Variants in FAM110B observed in about 807,000 individuals in gnomAD.
FAM110B encodes protein FAM110B.
A neutral mutation model predicts 20.4 loss-of-function variants in FAM110B; 6 were observed. That is an observed-to-expected ratio of 0.29 (90% CI 0.16 to 0.58). The LOEUF (loss-of-function observed/expected upper bound fraction) is 0.58. Among genes scored for constraint, FAM110B ranks in the 20% least tolerant of loss-of-function variants. The pLI is 0.90. For synonymous variants in FAM110B, 226 were observed against 214.1 expected (o/e 1.06, Z -0.49); for missense variants, 434 against 498.2 (o/e 0.87, Z 1.23).
At chr8:58,052,987 G>A (rs1026550864) in intron 2 of FAM110B, among the ~76,000 whole-genome samples, 8 of 150,506 alleles carry the variant, frequency 5.3e-5, no homozygotes, top group East Asian at 3.9e-4. Context: ...GGGTTTCACC[G>A]TGTTAGCCAG....
At chr8:58,105,534 A>AAATG (rs936852218) in intron 3 of FAM110B, among the ~76,000 whole-genome samples, 4 of 150,824 alleles carry the variant, frequency 2.7e-5, no homozygotes, top group Admixed American at 1.3e-4. Context: ...CCTTGTCTGA[A>AAATG]AATGAATGAA....
chr8:58,037,568 G>A (rs951813337), intron 2 of FAM110B, among the ~76,000 whole-genome samples: 6 of 151,956 alleles, frequency 3.9e-5, no homozygotes, highest in Admixed American at 3.3e-4. Context: ...GAGCCCAGGA[G>A]TTGGAGGCTG....
chr8:58,100,223 G>GA (rs1806743459), intron 3 of FAM110B, among the ~76,000 whole-genome samples: 5 of 151,038 alleles, frequency 3.3e-5, no homozygotes, highest in African/African-American at 1.2e-4. Context: ...CACTTCCCTG[G>GA]AGTTAATCTG....
At chr8:58,094,541 T>C (rs922501908) in intron 3 of FAM110B, among the ~76,000 whole-genome samples, 1 of 152,204 alleles carries the variant, frequency 6.6e-6, no homozygotes, top group Non-Finnish European at 1.5e-5. Context: ...ATTTAGGTGA[T>C]GGATTATGTT....
intron 3 of FAM110B, among the ~76,000 whole-genome samples, chr8:58,082,837 G>GTTTTTTGTT (rs1563363336): frequency 2.4e-5 from 3 of 123,096 alleles, no homozygotes; most frequent in African/African-American, 1.5e-4. Context: ...CTCCATTTTT[G>GTTTTTTGTT]TTTTTTTTTG....
intron 2 of FAM110B, among the ~76,000 whole-genome samples, chr8:58,057,568 C>G (rs558207233): frequency 6.6e-6 from 1 of 152,188 alleles, no homozygotes; most frequent in Non-Finnish European, 1.5e-5. Flanking sequence ...CCCCTTTTCT[C>G]AGCCTCCACC....
chr8:58,123,060 G>A (rs921117798), intron 3 of FAM110B, among the ~76,000 whole-genome samples: 1 of 152,130 alleles, frequency 6.6e-6, no homozygotes, highest in Non-Finnish European at 1.5e-5. Context: ...CCTTATGAGA[G>A]CTCAGCAGAG....
At chr8:58,098,391 T>C (rs956859323) in intron 3 of FAM110B, among the ~76,000 whole-genome samples, 1 of 152,192 alleles carries the variant, frequency 6.6e-6, no homozygotes, top group Non-Finnish European at 1.5e-5. Context: ...GATGCCCCTC[T>C]CCCAACCAAG....
chr8:58,067,889 G>A (rs1201811601), intron 2 of FAM110B, among the ~76,000 whole-genome samples: 1 of 152,204 alleles, frequency 6.6e-6, no homozygotes, highest in African/African-American at 2.4e-5. Flanking sequence ...AAGTGGCAAT[G>A]AGAAAGATTC....
rs150740446 is a variant in FAM110B, at chr8:58,146,870, G to C, written c.640G>C (p.Ala214Pro). The C allele has an allele frequency of 1.2e-6, 2 of 1,614,028 alleles. No individual in the cohort carries two copies. The highest frequency in any genetic ancestry group is 1.7e-5 in the Admixed American group (1 of 60,006). ...GGTGACCAGCGTGAAGCCCCTCAAGGCCATCCCCTGCAGTAGCTCTGCCCC... is the reference window on the plus strand; with the variant it reads ...GGTGACCAGCGTGAAGCCCCTCAAGCCCATCCCCTGCAGTAGCTCTGCCCC... ...RKVTSVKPLK[A>P]IPCSSSAPPL... Residue 214 changes from alanine to proline, a missense_variant, in exon 4 of 4, where the codon GCC (alanine) becomes CCC (proline). Ala to Pro is a conservative substitution (Grantham distance 27, BLOSUM62 -1). Around this residue, in one of 3 missense-constraint regions of FAM110B, gnomAD observed 284 missense variants for 278.3 expected, o/e 1.02. Coordinates refer to ENST00000519262, the MANE Select transcript of FAM110B (RefSeq NM_001377989.1).
intron 3 of FAM110B, among the ~76,000 whole-genome samples, chr8:58,082,853 T>C (rs957688913): frequency 2.7e-5 from 4 of 150,864 alleles, no homozygotes; most frequent in Non-Finnish European, 4.4e-5. Flanking sequence ...TTTTGTTTTT[T>C]TTTTTTTTAA....
At chr8:58,007,353 T>TCCCA (rs1804433303) in intron 1 of FAM110B, among the ~76,000 whole-genome samples, 1 of 152,172 alleles carries the variant, frequency 6.6e-6, no homozygotes, top group South Asian at 2.1e-4. Flanking sequence ...ATCACGTGGG[T>TCCCA]CCCACTGTTT....
At chr8:58,001,105 C>T (rs984956247) in intron 1 of FAM110B, among the ~76,000 whole-genome samples, 5 of 152,046 alleles carry the variant, frequency 3.3e-5, no homozygotes, top group South Asian at 2.1e-4. Context: ...ACAGTTTTTG[C>T]GGGGATAGAC....
chr8:58,041,393 C>T (rs139409489), intron 2 of FAM110B, among the ~76,000 whole-genome samples: 1 of 152,250 alleles, frequency 6.6e-6, no homozygotes, highest in African/African-American at 2.4e-5. Context: ...CCTATGTTAC[C>T]CTTCTGTCCA....
intron 1 of FAM110B, among the ~76,000 whole-genome samples, chr8:57,996,480 A>G (rs556040446): frequency 7.9e-5 from 12 of 152,330 alleles, no homozygotes; most frequent in African/African-American, 1.9e-4. Context: ...TATTATGCCT[A>G]TGACTGACAG....
chr8:58,012,597 G>T (rs1047926773), intron 1 of FAM110B, among the ~76,000 whole-genome samples: 3 of 152,174 alleles, frequency 2.0e-5, no homozygotes, highest in Admixed American at 6.5e-5. Flanking sequence ...TTTGGTGCTG[G>T]TTCTGGGCCA....
intron 2 of FAM110B, among the ~76,000 whole-genome samples, chr8:58,068,602 A>T (rs1465301907): frequency 1.3e-5 from 2 of 152,042 alleles, no homozygotes; most frequent in Non-Finnish European, 2.9e-5. Context: ...TAAAAATAAA[A>T]AAAAAAAAAA....
In FAM110B at chr8:58,050,042, A is replaced by G. The variant is rs543969334; in HGVS notation, c.-414+18339A>G. On this transcript the variant is annotated intron_variant, in intron 2 of 3. Transcript: ENST00000519262. ...CTGTCATTGATGTGACATTAATAAA[A>G]TATCATGGAAGGGCTGGTTTCAATT... Among the ~76,000 whole-genome samples, 33 of 152,344 alleles carry G rather than the reference A, an allele frequency of 2.2e-4. 1 individual carries two copies. The South Asian group carries it at 4.6e-3, about 21-fold the overall frequency.
chr8:58,052,477 G>A (rs1805466885), intron 2 of FAM110B, among the ~76,000 whole-genome samples: 1 of 151,994 alleles, frequency 6.6e-6, no homozygotes, highest in Non-Finnish European at 1.5e-5. Context: ...AATATTTATT[G>A]AACCAGGCAC....
Sources: allele counts gnomAD v4.1 joint callset (sites outside exome capture counted in the v4.1 genomes callset), GRCh38; gene constraint gnomAD v4.1.1; regional missense constraint gnomAD v4.1.1; transcripts MANE v1.5; gene names NCBI Gene and HGNC (gene_info 2026-07-23, HGNC 2026-07-21).